The following ERCC6 variants were observed in gnomAD, a reference collection of about 807,000 sequenced individuals.
The protein encoded by ERCC6 is ERCC excision repair 6, chromatin remodeling factor.
Under a neutral mutation model 158.7 loss-of-function variants are expected in ERCC6, and 116 were observed. That is an observed-to-expected ratio of 0.73 (90% confidence interval 0.63 to 0.85). The LOEUF (loss-of-function observed/expected upper bound fraction) is 0.85, where lower values mean the gene tolerates loss of function less well. Ranked by LOEUF, ERCC6 falls within the 40% of genes least tolerant of loss-of-function variation. The probability of loss-of-function intolerance (pLI) is 0.00; values close to 1 mark genes in which losing one functional copy is unlikely to be tolerated. For synonymous variants in ERCC6, 678 were observed against 659.3 expected, an observed-to-expected ratio of 1.03 and a Z score of -0.43; for missense variants, 1,698 against 1,799.4, an observed-to-expected ratio of 0.94 and a Z score of 1.02.
In ERCC6 at chr10:49,497,511, T is replaced by A. The variant is rs577675179; in HGVS notation, c.1685+3027A>T. Among the ~76,000 whole-genome samples, 54 of 152,366 alleles carry A rather than the reference T, an allele frequency of 3.5e-4. No individual in the cohort carries two copies. The South Asian group carries it at 4.6e-3, about 13-fold the overall frequency. On this transcript the variant is annotated intron_variant, in intron 7 of 20. Coordinates refer to ENST00000355832, the MANE Select transcript of ERCC6 (RefSeq NM_000124.4). ...GCTAGTATATTCTTCTGGCTGAACA[T>A]CTATCTGGCATTATCAAGATGCCCT...
chr10:49,533,567 C>G (rs1480944082), intron 1 of ERCC6, among the ~76,000 whole-genome samples: 2 of 151,856 alleles, frequency 1.3e-5, no homozygotes, highest in Non-Finnish European at 2.9e-5. Context: ...AGGATAGAGA[C>G]CAGCCAGGGA....
At chr10:49,503,045 C>T (rs1322502562) in intron 6 of ERCC6, 1 of 152,184 alleles carries the variant, frequency 6.6e-6, no homozygotes, top group African/African-American at 2.4e-5. Flanking sequence ...GGACCAGCTC[C>T]TCCAGTCGGG....
At position 49,461,516 on chromosome 10, in the gene ERCC6, A is replaced by G. The variant is rs199686337; in HGVS notation, c.3819T>C (p.Asp1273=). ...CCAGTACATAATCTGGGCTGGCTCC[A>G]TCCATGATGGCATCGTGCTTCATGA... ...HSVMKHDAIM[D]GASPDYVLVE... The change falls in exon 19 of 21, where the codon GAT becomes GAC. Residue 1273 remains aspartate, a synonymous_variant. Transcript: ENST00000355832. 4 of 1,614,118 alleles carry G rather than the reference A, an allele frequency of 2.5e-6. No homozygotes were observed. The highest frequency in any genetic ancestry group is 3.4e-6 in the Non-Finnish European group (4 of 1,180,000).
chr10:49,460,482 A>G, intron 19 of ERCC6, 31 bp from the exon 20 acceptor site: 1 of 1,471,330 alleles, frequency 6.8e-7, no homozygotes, highest in Non-Finnish European at 9.5e-7. Flanking sequence ...CAGTAGATTA[A>G]ATGTTTGCTT....
At chr10:49,530,555 A>C (rs1214537698) in intron 3 of ERCC6, among the ~76,000 whole-genome samples, 165 bp downstream of exon 3, 1 of 152,230 alleles carries the variant, frequency 6.6e-6, no homozygotes, top group Non-Finnish European at 1.5e-5. Context: ...GTTAAAGGAA[A>C]ACAGCAGAAA....
At chr10:49,435,123 A>G in the ERCC6 span, among the ~76,000 whole-genome samples, 2 of 152,246 alleles carry the variant, frequency 1.3e-5, no homozygotes, top group Non-Finnish European at 2.9e-5. Flanking sequence ...AACAATTTCT[A>G]TCATATATGA....
At chr10:49,445,206 A>G in the ERCC6 span, among the ~76,000 whole-genome samples, 1 of 152,258 alleles carries the variant, frequency 6.6e-6, no homozygotes, top group African/African-American at 2.4e-5. Flanking sequence ...ACTCATTAAA[A>G]GGTGTCAACC....
In ERCC6 at chr10:49,524,060, T is replaced by A. The variant is rs888940189; in HGVS notation, c.1370A>T (p.Asp457Val). The change falls in exon 5 of 21, where the codon GAT (aspartate) becomes GTT (valine). Residue 457 changes from aspartate (D) to valine (V), a missense_variant. By Grantham distance (152) the Asp-to-Val change is radical (BLOSUM62 -3). Coordinates refer to ENST00000355832, the MANE Select transcript of ERCC6 (RefSeq NM_000124.4). ...RKVGRYRDDGDEDYYKQRLRR... is the reference protein window; with the variant it reads ...RKVGRYRDDGVEDYYKQRLRR... Reference sequence around the variant, plus strand: ...TAACCGCTGCTTATAATAATCTTCATCTCCATCATCTCGGTATCTTCCCAC... The same window carrying A: ...TAACCGCTGCTTATAATAATCTTCAACTCCATCATCTCGGTATCTTCCCAC... 6.2e-7 allele frequency: 1 copy of A among 1,613,678 alleles called. No homozygotes were observed. The highest frequency in any genetic ancestry group is 8.5e-7 in the Non-Finnish European group (1 of 1,179,990).
chr10:49,508,967 T>C (rs906659634), intron 5 of ERCC6, among the ~76,000 whole-genome samples: 3 of 152,186 alleles, frequency 2.0e-5, no homozygotes, highest in African/African-American at 4.8e-5. Context: ...CTGAGTAGTC[T>C]GTCTGGCCAG....
chr10:49,497,153 A>G (rs1483110774), intron 7 of ERCC6, among the ~76,000 whole-genome samples: 2 of 152,140 alleles, frequency 1.3e-5, no homozygotes, highest in East Asian at 3.9e-4. Context: ...GCTCCTCACC[A>G]AGGCAGGGCC....
the ERCC6 span, among the ~76,000 whole-genome samples, chr10:49,447,090 CA>C: frequency 6.6e-6 from 1 of 152,106 alleles, no homozygotes; most frequent in Non-Finnish European, 1.5e-5. Flanking sequence ...AGATGATAAC[CA>C]CAAAGGAATA....
chr10:49,481,381 G>A (rs1231729315), intron 10 of ERCC6, among the ~76,000 whole-genome samples: 3 of 152,156 alleles, frequency 2.0e-5, no homozygotes, highest in South Asian at 2.1e-4. Flanking sequence ...AGAGAAAGAA[G>A]AGACTCCTTA....
the ERCC6 span, among the ~76,000 whole-genome samples, chr10:49,443,744 T>C: frequency 2.0e-5 from 3 of 152,354 alleles, no homozygotes; most frequent in Admixed American, 6.5e-5. Context: ...AATACCATTA[T>C]GTTACAACTG....
chr10:49,454,064 C>T (rs1426421325), downstream of ERCC6, among the ~76,000 whole-genome samples: 1 of 152,138 alleles, frequency 6.6e-6, no homozygotes, highest in African/African-American at 2.4e-5. Flanking sequence ...TCTTCTTGTA[C>T]TCCCATTACA....
intron 18 of ERCC6, among the ~76,000 whole-genome samples, chr10:49,466,428 A>C (rs1219646278): frequency 6.6e-6 from 1 of 152,228 alleles, no homozygotes; most frequent in East Asian, 1.9e-4. Context: ...GGGTGCTGAA[A>C]TGAAATTGGA....
Position 49,528,489 on chromosome 10 carries a change from G to C in ERCC6, c.580C>G (p.His194Asp), listed in dbSNP as rs2132631520. 2 of 1,614,162 alleles carry C rather than the reference G, an allele frequency of 1.2e-6. No homozygotes were observed. Among genetic ancestry groups the C allele is most frequent in the East Asian group, 4.5e-5 (2 of 44,878 alleles). The change falls in exon 4 of 21, where the codon CAT (histidine) becomes GAT (aspartate). Residue 194 changes from histidine (H) to aspartate (D), a missense_variant. Physicochemically the swap from His to Asp is moderately conservative, Grantham distance 81. Coordinates refer to ENST00000355832, the MANE Select transcript of ERCC6 (RefSeq NM_000124.4). The part of the protein sequence containing the change: ...QLKKITAKQK[H>D]LQAILGGAEV... ...GCTCCTCCAAGGATGGCCTGGAGATGCTTTTGTTTTGCAGTGATCTTTTTT... is the reference window on the plus strand; with the variant it reads ...GCTCCTCCAAGGATGGCCTGGAGATCCTTTTGTTTTGCAGTGATCTTTTTT...
rs1850489913 is a variant in ERCC6 at position 49,456,772 on chromosome 10, A to C, written c.*2043T>G. ...AATCAGATTTTTATCTAAATGAATA[A>C]ATTTCTCTGTATTGTTAAAACCATT... On this transcript the variant is annotated 3_prime_UTR_variant, in exon 21 of 21. Coordinates refer to ENST00000355832, the MANE Select transcript of ERCC6 (RefSeq NM_000124.4). 1 of 152,158 alleles carries C rather than the reference A, an allele frequency of 6.6e-6. No homozygotes were observed. The highest frequency in any genetic ancestry group is 2.4e-5 in the African/African-American group (1 of 41,438). The allele number at this position is 152,158 out of a possible 1,614,324, so 9.4% of individuals were successfully genotyped here.
At chr10:49,439,286 C>T in the ERCC6 span, among the ~76,000 whole-genome samples, 1 of 152,262 alleles carries the variant, frequency 6.6e-6, no homozygotes, top group Non-Finnish European at 1.5e-5. Flanking sequence ...GGTTCCCAAA[C>T]CTCAATTCTT....
At position 49,524,073 on chromosome 10, in the gene ERCC6, G is replaced by A. The variant is rs121917902; in HGVS notation, c.1357C>T (p.Arg453Ter). The A allele has an allele frequency of 6.8e-6, 11 of 1,613,494 alleles. No homozygotes were observed. The highest frequency in any genetic ancestry group is 9.3e-6 in the Non-Finnish European group (11 of 1,179,976). The stretch of plus-strand genomic sequence containing the variant: ...TAATAATCTTCATCTCCATCATCTC[G>A]GTATCTTCCCACTTTCCGACCTCCT... ...GGGGRKVGRY[R>*]DDGDEDYYKQ... The change falls in exon 5 of 21, where the codon CGA (arginine) becomes TGA (stop). Residue 453 changes from arginine (R) to a stop codon, truncating the protein, a stop_gained. Transcript: ENST00000355832. LOFTEE classifies it high-confidence loss of function.
Sources: gnomAD v4.1 joint callset for allele counts (sites outside exome capture counted in the v4.1 genomes callset) on GRCh38, gnomAD v4.1.1 for gene constraint, MANE v1.5 for transcripts, NCBI Gene and HGNC (gene_info 2026-07-23, HGNC 2026-07-21) for gene names.